The following PEX7 variants were observed in gnomAD, a reference collection of about 807,000 sequenced individuals.
The protein encoded by PEX7 is peroxisomal biogenesis factor 7.
Under a neutral mutation model 47.5 loss-of-function variants are expected in PEX7, and 34 were observed. That is an observed-to-expected ratio of 0.72 (90% CI 0.54 to 0.95). The LOEUF is 0.95. Ranked by LOEUF, PEX7 falls within the 40% of genes least tolerant of loss-of-function variation. PEX7 has a pLI of 0.00. For missense variants in PEX7, 394 were observed against 400.3 expected, an observed-to-expected ratio of 0.98 and a Z score of 0.13; for synonymous variants, 141 against 148.8, an observed-to-expected ratio of 0.95 and a Z score of 0.38.
chr6:136,880,791 T>A lies in PEX7; in HGVS notation c.803+8538T>A, dbSNP rs185943093. On this transcript the variant is annotated intron_variant, in intron 8 of 9. Transcript: ENST00000318471. ...TGTATAAAATGTACTTCTAATAGAA[T>A]AAATTACAACAATGCTTTGAGATGT... 1.8e-4 allele frequency among the ~76,000 whole-genome samples: 28 copies of A among 152,366 alleles called. No individual in the cohort carries two copies. The East Asian group carries it at 5.2e-3, about 28-fold the overall frequency.
At chr6:136,876,882 T>A (rs1775284020) in intron 8 of PEX7, among the ~76,000 whole-genome samples, 1 of 152,234 alleles carries the variant, frequency 6.6e-6, no homozygotes. Context: ...TCAAATGGTG[T>A]TTCTGATTCT....
chr6:136,848,981 T>C (rs2115177465), intron 5 of PEX7, among the ~76,000 whole-genome samples: 1 of 152,292 alleles, frequency 6.6e-6, no homozygotes, highest in South Asian at 2.1e-4. Flanking sequence ...TGTCTGGTTC[T>C]GGAGTTTTCT....
chr6:136,875,395 G>A (rs1163256703), intron 8 of PEX7, among the ~76,000 whole-genome samples: 1 of 151,680 alleles, frequency 6.6e-6, no homozygotes, highest in Non-Finnish European at 1.5e-5. Flanking sequence ...GTTTATACTT[G>A]CCTTTTCTTC....
chr6:136,854,145 A>T (rs1774813530), intron 5 of PEX7, among the ~76,000 whole-genome samples: 1 of 152,176 alleles, frequency 6.6e-6, no homozygotes, highest in South Asian at 2.1e-4. Context: ...ATTTAATTTG[A>T]ATCAATTAAC....
At chr6:136,861,112 T>G (rs547024632) in intron 5 of PEX7, among the ~76,000 whole-genome samples, 1 of 152,156 alleles carries the variant, frequency 6.6e-6, no homozygotes, top group Non-Finnish European at 1.5e-5. Context: ...TGAGACAGAG[T>G]CTGGCTCTAT....
rs2115132321 is a variant in PEX7 at position 136,826,488 on chromosome 6, T to C, written c.339+19T>C. The C allele has an allele frequency of 6.2e-7, 1 of 1,613,930 alleles. No individual in the cohort carries two copies. On this transcript the variant is annotated intron_variant, in intron 3 of 9. Coordinates refer to ENST00000318471, the MANE Select transcript of PEX7 (RefSeq NM_000288.4). Reference sequence around the variant, plus strand: ...TCAGGAGGTAGGAGGGAAATCTTTCTGGGCTGATTATTTTTCTTTCTTCGA... The same window carrying C: ...TCAGGAGGTAGGAGGGAAATCTTTCCGGGCTGATTATTTTTCTTTCTTCGA...
intron 5 of PEX7, among the ~76,000 whole-genome samples, chr6:136,856,402 C>T (rs1383277310): frequency 6.6e-6 from 1 of 151,592 alleles, no homozygotes; most frequent in East Asian, 1.9e-4. Context: ...GCTTTATAGG[C>T]ATGGTTGAAT....
intron 1 of PEX7, chr6:136,823,388 TA>T (rs1774121904): frequency 1.0e-6 from 1 of 978,960 alleles, no homozygotes; most frequent in Non-Finnish European, 1.2e-6. Flanking sequence ...AAGTAGGTGT[TA>T]CAGACTCCAG....
intron 5 of PEX7, among the ~76,000 whole-genome samples, chr6:136,860,498 C>G (rs1012684336): frequency 7.0e-6 from 1 of 142,422 alleles, no homozygotes; most frequent in African/African-American, 2.6e-5. Flanking sequence ...AGGGGAACAT[C>G]ACACACCGGG....
chr6:136,898,296 G>A, intron 9 of PEX7, 55 bp downstream of exon 9: 11 of 1,047,564 alleles, frequency 1.1e-5, no homozygotes, highest in Non-Finnish European at 1.4e-5. Flanking sequence ...AGCCAACTCT[G>A]TGTGGCATGC....
At chr6:136,910,002 A>G (rs1281133723) in intron 9 of PEX7, among the ~76,000 whole-genome samples, 2 of 152,192 alleles carry the variant, frequency 1.3e-5, no homozygotes, top group East Asian at 1.9e-4. Flanking sequence ...GTAATTTAAC[A>G]TAATGATCTT....
chr6:136,844,657 C>T (rs1032603539), intron 3 of PEX7, among the ~76,000 whole-genome samples: 14 of 152,108 alleles, frequency 9.2e-5, no homozygotes, highest in Admixed American at 8.5e-4. Context: ...CCCCATTTCC[C>T]CCACCCCCAG....
chr6:136,852,715 C>T (rs200931753), intron 5 of PEX7, among the ~76,000 whole-genome samples: 1 of 7,308 alleles, frequency 1.4e-4, no homozygotes, highest in East Asian at 1.6e-3. Context: ...GAATCAATAT[C>T]GTGAAAATGG....
chr6:136,906,080 T>C (rs189770910), intron 9 of PEX7, among the ~76,000 whole-genome samples: 2 of 152,320 alleles, frequency 1.3e-5, no homozygotes, highest in African/African-American at 4.8e-5. Flanking sequence ...CATCATCCCA[T>C]TGATTCTCCA....
intron 6 of PEX7, among the ~76,000 whole-genome samples, chr6:136,868,568 A>G (rs1775115229): frequency 6.6e-6 from 1 of 152,156 alleles, no homozygotes; most frequent in Admixed American, 6.5e-5. Flanking sequence ...GGAACTCTAA[A>G]GAAAGATGCT....
chr6:136,877,049 T>C (rs560579506), intron 8 of PEX7, among the ~76,000 whole-genome samples: 5 of 152,368 alleles, frequency 3.3e-5, no homozygotes, highest in African/African-American at 9.6e-5. Flanking sequence ...TGTGAGGTGG[T>C]ATCTCATTGT....
chr6:136,855,810 T>C (rs1336554447), intron 5 of PEX7: 5 of 301,340 alleles, frequency 1.7e-5, no homozygotes, highest in Non-Finnish European at 3.2e-5. Flanking sequence ...ATACATCCAG[T>C]TGGCAAAGTG....
chr6:136,878,214 T>C (rs1775309976), intron 8 of PEX7, among the ~76,000 whole-genome samples: 1 of 152,240 alleles, frequency 6.6e-6, no homozygotes, highest in African/African-American at 2.4e-5. Context: ...GCTGAGACGA[T>C]GGGGCTTTCT....
At chr6:136,854,529 A>G (rs998213896) in intron 5 of PEX7, among the ~76,000 whole-genome samples, 2 of 152,174 alleles carry the variant, frequency 1.3e-5, no homozygotes, top group Non-Finnish European at 2.9e-5. Context: ...TTTTGTGCTT[A>G]TAGTGAATCG....
Sources: gnomAD v4.1 joint callset for allele counts (sites outside exome capture counted in the v4.1 genomes callset) on GRCh38, gnomAD v4.1.1 for gene constraint, MANE v1.5 for transcripts, NCBI Gene and HGNC (gene_info 2026-07-23, HGNC 2026-07-21) for gene names.